Variants in CACNG5 observed in about 807,000 individuals in gnomAD.
CACNG5 encodes voltage-dependent calcium channel gamma-5 subunit.
Under a neutral mutation model 24.8 loss-of-function variants are expected in CACNG5, and 18 were observed. The observed-to-expected ratio is 0.73, with a 90% CI of 0.50 to 1.08. CACNG5 has a LOEUF of 1.08. Ranked by LOEUF, CACNG5 falls within the 50% of genes least tolerant of loss-of-function variation. The probability of loss-of-function intolerance (pLI) is 0.00; values close to 1 mark genes in which losing one functional copy is unlikely to be tolerated. For missense variants in CACNG5, 349 were observed against 367.9 expected, an observed-to-expected ratio of 0.95 and a Z score of 0.42; for synonymous variants, 157 against 149.1, an observed-to-expected ratio of 1.05 and a Z score of -0.39.
intron 1 of CACNG5, among the ~76,000 whole-genome samples, chr17:66,839,206 C>A (rs1040355989): frequency 2.0e-5 from 3 of 151,804 alleles, no homozygotes; most frequent in African/African-American, 4.8e-5. Flanking sequence ...GTGATCCACC[C>A]GCCTCGGCTT....
At position 66,885,413 on chromosome 17, in the gene CACNG5, C is replaced by A. The variant is rs1568074578; in HGVS notation, c.*173C>A. The A allele has an allele frequency of 4.0e-6, 3 of 749,974 alleles. No homozygotes were observed. In the Admixed American group the frequency reaches 8.9e-5, roughly 22 times the overall value. The allele number at this position is 749,974 out of a possible 1,614,324, so 46.5% of individuals were successfully genotyped here. On this transcript the variant is annotated 3_prime_UTR_variant, in exon 6 of 6. Transcript: ENST00000533854. ...TTCTCCAGAAGGGCTCTAACTGCCC[C>A]AGCATGGGTGTGGGAGTCTGGAGTC...
intron 1 of CACNG5, among the ~76,000 whole-genome samples, chr17:66,841,392 C>T (rs1289374978): frequency 6.6e-6 from 1 of 152,218 alleles, no homozygotes; most frequent in African/African-American, 2.4e-5. Context: ...TTCCCTTTAG[C>T]TTAGTGATTT....
chr17:66,871,244 A>T (rs1378056355), intron 1 of CACNG5, among the ~76,000 whole-genome samples: 1 of 152,226 alleles, frequency 6.6e-6, no homozygotes. Context: ...ACACTGAGTC[A>T]CTGGACAAGC....
At chr17:66,848,825 T>G (rs1322351048) in intron 1 of CACNG5, among the ~76,000 whole-genome samples, 1 of 152,102 alleles carries the variant, frequency 6.6e-6, no homozygotes, top group Non-Finnish European at 1.5e-5. Context: ...ATTAACAGTG[T>G]TTTACCCAGT....
intron 1 of CACNG5, among the ~76,000 whole-genome samples, chr17:66,840,802 T>A (rs1197815254): frequency 1.3e-5 from 2 of 152,178 alleles, no homozygotes; most frequent in African/African-American, 4.8e-5. Context: ...TTCCTGGGAC[T>A]GTCGGGCACA....
At chr17:66,857,677 G>T (rs116744921) in intron 1 of CACNG5, among the ~76,000 whole-genome samples, 520 of 152,270 alleles carry the variant, frequency 3.4e-3, no homozygotes, top group African/African-American at 0.012. Context: ...GCTAGTGGCC[G>T]CCATATTGGG....
intron 1 of CACNG5, among the ~76,000 whole-genome samples, chr17:66,846,946 C>A (rs1295131826): frequency 6.6e-6 from 1 of 152,226 alleles, no homozygotes; most frequent in Admixed American, 6.5e-5. Flanking sequence ...TTCCTGAAAA[C>A]CTTTCGAAGT....
At chr17:66,867,876 T>A (rs1451833407) in intron 1 of CACNG5, among the ~76,000 whole-genome samples, 1 of 152,244 alleles carries the variant, frequency 6.6e-6, no homozygotes, top group Non-Finnish European at 1.5e-5. Context: ...TACTATAGTC[T>A]TGTAGTATAG....
intron 1 of CACNG5, among the ~76,000 whole-genome samples, chr17:66,851,176 A>G (rs752271447): frequency 6.6e-6 from 1 of 152,206 alleles, no homozygotes; most frequent in Non-Finnish European, 1.5e-5. Flanking sequence ...CAAAAAAAAC[A>G]AAGACCGAAG....
chr17:66,867,370 G>C (rs1976944140), intron 1 of CACNG5, among the ~76,000 whole-genome samples: 1 of 152,024 alleles, frequency 6.6e-6, no homozygotes, highest in South Asian at 2.1e-4. Context: ...CTGGGTATTA[G>C]ACCTTTGTTA....
rs1977357594 is a variant in CACNG5, at chr17:66,892,397, C to T, written c.*7157C>T. 6.6e-6 allele frequency among the ~76,000 whole-genome samples: 1 copy of T among 152,262 alleles called. No individual in the cohort carries two copies. The highest frequency in any genetic ancestry group is 1.5e-5 in the Non-Finnish European group (1 of 68,044). On this transcript the variant is annotated 3_prime_UTR_variant, in exon 6 of 6. Coordinates refer to ENST00000533854, the MANE Select transcript of CACNG5 (RefSeq NM_145811.3). ...TGGAGCCAACGTGTTCTCCAGCCCA[C>T]TGTCAGGGCCAAGCAAGCAGGGATG... is the stretch of plus-strand genomic sequence containing the variant.
intron 1 of CACNG5, among the ~76,000 whole-genome samples, chr17:66,869,866 G>A (rs1442779416): frequency 6.6e-6 from 1 of 152,034 alleles, no homozygotes; most frequent in Non-Finnish European, 1.5e-5. Context: ...GGTGGATCAC[G>A]AGGTCAAGAG....
rs532524018 is a variant in CACNG5 at position 66,858,958 on chromosome 17, C to T, written c.-103-18272C>T. 2.0e-5 allele frequency among the ~76,000 whole-genome samples: 3 copies of T among 152,280 alleles called. No homozygotes were observed. In the East Asian group the frequency reaches 5.8e-4, roughly 29 times the overall value. ...AGCCTTGTGGTGACAGCAACCGCAC[C>T]CTCCAAGGGCCACCTTCCAGGGCCA... On this transcript the variant is annotated intron_variant, in intron 1 of 5. Coordinates refer to ENST00000533854, the MANE Select transcript of CACNG5 (RefSeq NM_145811.3).
At chr17:66,847,201 G>C (rs959487217) in intron 1 of CACNG5, among the ~76,000 whole-genome samples, 8 of 152,206 alleles carry the variant, frequency 5.3e-5, no homozygotes, top group Non-Finnish European at 1.2e-4. Flanking sequence ...GTCTCCCAGA[G>C]TGTCCCTTGG....
At position 66,884,501 on chromosome 17, in the gene CACNG5, C is replaced by A. The variant is rs774331720; in HGVS notation, c.425-15C>A. 1 of 1,596,782 alleles carries A rather than the reference C, an allele frequency of 6.3e-7. No individual in the cohort carries two copies. Among genetic ancestry groups the A allele is most frequent in the Admixed American group, 1.7e-5 (1 of 59,224 alleles). ...CTCTGGGCTGAGCATCCCCTCTCCCCTGCTGCCCAACCAGGCCTCTCTCTC... is the reference window on the plus strand; with the variant it reads ...CTCTGGGCTGAGCATCCCCTCTCCCATGCTGCCCAACCAGGCCTCTCTCTC... On this transcript the variant is annotated splice_polypyrimidine_tract_variant and intron_variant, in intron 4 of 5. Coordinates refer to ENST00000533854, the MANE Select transcript of CACNG5 (RefSeq NM_145811.3).
At chr17:66,879,144 T>C in intron 3 of CACNG5, 86 bp downstream of exon 3, 1 of 995,394 alleles carries the variant, frequency 1.0e-6, no homozygotes, top group Non-Finnish European at 1.6e-6. Flanking sequence ...CCAGCATATT[T>C]CTCAAGAGGA....
At chr17:66,849,069 C>T (rs758116530) in intron 1 of CACNG5, among the ~76,000 whole-genome samples, 10 of 152,150 alleles carry the variant, frequency 6.6e-5, no homozygotes, top group Admixed American at 4.6e-4. Context: ...AAGGGAGTAC[C>T]GCGGGGTTCA....
At position 66,880,615 on chromosome 17, in the gene CACNG5, G is replaced by T. The variant is rs748755326; in HGVS notation, c.342G>T (p.Gly114=). The part of the protein sequence containing the change: ...PLVSLFFMFI[G]FILNNIGHIR... ...TCAGCCTCTTCTTCATGTTCATTGG[G>T]TTTATCCTGAACAACATCGGACACA... The change falls in exon 4 of 6, where the codon GGG becomes GGT. Residue 114 remains glycine, a synonymous_variant. Transcript: ENST00000533854. 6.2e-7 allele frequency: 1 copy of T among 1,614,156 alleles called. No individual in the cohort carries two copies. Among genetic ancestry groups the T allele is most frequent in the South Asian group, 1.1e-5 (1 of 91,074 alleles).
chr17:66,835,813 G>A (rs751443120), intron 1 of CACNG5, among the ~76,000 whole-genome samples: 4 of 152,044 alleles, frequency 2.6e-5, no homozygotes, highest in Non-Finnish European at 5.9e-5. Flanking sequence ...AGATGGACTC[G>A]CGGGGGTGAT....
Sources: allele counts gnomAD v4.1 joint callset (sites outside exome capture counted in the v4.1 genomes callset), GRCh38; gene constraint gnomAD v4.1.1; transcripts MANE v1.5; gene names NCBI Gene and HGNC (gene_info 2026-07-23, HGNC 2026-07-21).